The following SPECC1L variants were observed in gnomAD, a reference collection of about 807,000 sequenced individuals.
SPECC1L encodes the protein cytospin-A.
SPECC1L carries 40 observed loss-of-function variants against 116.8 expected under a neutral mutation model. The observed-to-expected ratio is 0.34, with a 90% CI of 0.27 to 0.45. SPECC1L has a LOEUF of 0.45. Ranked by LOEUF, SPECC1L falls within the 20% of genes least tolerant of loss-of-function variation. The pLI, the probability that SPECC1L is intolerant of heterozygous loss-of-function variation, is 1.00. For synonymous variants in SPECC1L, 504 were observed against 500.6 expected (o/e 1.01, Z -0.09); for missense variants, 1,110 against 1,373.6 (o/e 0.81, Z 3.03).
intron 3 of SPECC1L, among the ~76,000 whole-genome samples, chr22:24,307,229 A>G (rs914561715): frequency 6.6e-6 from 1 of 152,178 alleles, no homozygotes; most frequent in Non-Finnish European, 1.5e-5. Flanking sequence ...GGAACTGCCT[A>G]TTGTTTCTCG....
chr22:24,321,381 A>C lies in SPECC1L; in HGVS notation c.401A>C (p.Gln134Pro). The change falls in exon 5 of 17, where the codon CAG becomes CCG. Residue 134 changes from glutamine (Q) to proline (P), a missense_variant. Physicochemically the swap from Gln to Pro is moderately conservative, Grantham distance 76 (BLOSUM62 -1). This residue lies in a region of SPECC1L where 437 missense variants were observed against 482.6 expected (regional missense o/e 0.91). Coordinates refer to ENST00000314328, the MANE Select transcript of SPECC1L (RefSeq NM_015330.6). The stretch of plus-strand genomic sequence containing the variant: ...TTACGTGAACGTACCCGATTAAACC[A>C]GAGCAAAAAACTACCTTCTGCAGGT... Reference protein sequence around the residue: ...ERLRERTRLNQSKKLPSAGQG... With the variant: ...ERLRERTRLNPSKKLPSAGQG... 6.2e-7 allele frequency: 1 copy of C among 1,614,280 alleles called. No individual in the cohort carries two copies. Among genetic ancestry groups the C allele is most frequent in the Non-Finnish European group, 8.5e-7 (1 of 1,180,048 alleles).
chr22:24,398,508 G>T (rs1403388868), intron 14 of SPECC1L, among the ~76,000 whole-genome samples: 3 of 152,156 alleles, frequency 2.0e-5, no homozygotes, highest in African/African-American at 7.2e-5. Flanking sequence ...TCAGTATAAA[G>T]AATTTCCAAG....
At chr22:24,327,332 T>A (rs1461319692) in intron 6 of SPECC1L, among the ~76,000 whole-genome samples, 1 of 120,284 alleles carries the variant, frequency 8.3e-6, no homozygotes, top group African/African-American at 3.0e-5. Context: ...CAACATCAAA[T>A]GTAAAGCATA....
intron 14 of SPECC1L, 42 bp from the exon 15 acceptor site, chr22:24,411,546 C>T (rs746860161): frequency 1.9e-6 from 3 of 1,566,932 alleles, no homozygotes; most frequent in Admixed American, 3.3e-5. Context: ...CTAAGAGGGT[C>T]CCAGCATGTG....
In SPECC1L at chr22:24,415,729, G is replaced by A. The variant is rs534881017; in HGVS notation, c.*1106G>A. 1 of 152,386 alleles carries A rather than the reference G, an allele frequency of 6.6e-6. No individual in the cohort carries two copies. Among genetic ancestry groups the A allele is most frequent in the African/African-American group, 2.4e-5 (1 of 41,550 alleles). 9.4% of individuals were successfully genotyped at this position (152,386 alleles called of 1,614,324 possible). A position where few individuals can be genotyped will look rare whatever the true frequency, so the allele number is the denominator to read the frequency against. On this transcript the variant is annotated 3_prime_UTR_variant, in exon 17 of 17. Coordinates refer to ENST00000314328, the MANE Select transcript of SPECC1L (RefSeq NM_015330.6). The stretch of plus-strand genomic sequence containing the variant: ...CAAGGCAGGACCTCCAAGACTCAGT[G>A]GTTGAGTTGTCTCCTACCACCATGC...
Position 24,322,208 on chromosome 22 carries a change from A to G in SPECC1L, c.1228A>G (p.Thr410Ala). 6.2e-7 allele frequency: 1 copy of G among 1,614,194 alleles called. No homozygotes were observed. ...CCAGATGGAAGAGAACCAACACAGT[A>G]CAAGTGAGGAACTCCAGGCAACCCT... is the stretch of plus-strand genomic sequence containing the variant. ...IHQMEENQHS[T>A]SEELQATLQE... Residue 410 changes from threonine (T) to alanine (A), a missense_variant, in exon 5 of 17, where the codon ACA (threonine) becomes GCA (alanine). Thr to Ala is a moderately conservative substitution (Grantham distance 58, BLOSUM62 0). Coordinates refer to ENST00000314328, the MANE Select transcript of SPECC1L (RefSeq NM_015330.6).
At chr22:24,271,995 C>T (rs1267292121) in intron 1 of SPECC1L, among the ~76,000 whole-genome samples, 1 of 152,184 alleles carries the variant, frequency 6.6e-6, no homozygotes, top group African/African-American at 2.4e-5. Context: ...TAGACAACAG[C>T]AGTCATTTCT....
intron 14 of SPECC1L, among the ~76,000 whole-genome samples, chr22:24,390,207 C>T (rs576044767): frequency 8.4e-4 from 127 of 151,950 alleles, no homozygotes; most frequent in Non-Finnish European, 1.2e-3. Flanking sequence ...TTCCCCTGAT[C>T]CTTCCTTTTC....
At chr22:24,393,796 C>A (rs1159929380) in intron 14 of SPECC1L, among the ~76,000 whole-genome samples, 1 of 152,134 alleles carries the variant, frequency 6.6e-6, no homozygotes, top group Admixed American at 6.6e-5. Context: ...CAAACCATCA[C>A]CATGAACATT....
At chr22:24,388,212 C>T (rs2042197352) in intron 14 of SPECC1L, among the ~76,000 whole-genome samples, 1 of 149,356 alleles carries the variant, frequency 6.7e-6, no homozygotes, top group Non-Finnish European at 1.5e-5. Flanking sequence ...AGGTATATCT[C>T]CTAATGCTAT....
chr22:24,323,216 C>T (rs186077317), intron 5 of SPECC1L: 2 of 623,444 alleles, frequency 3.2e-6, no homozygotes, highest in African/African-American at 2.0e-5. Context: ...TCCTATGGAG[C>T]GGGTCATGAA....
chr22:24,318,705 A>AG (rs2040655893), intron 4 of SPECC1L, among the ~76,000 whole-genome samples: 1 of 152,146 alleles, frequency 6.6e-6, no homozygotes, highest in Non-Finnish European at 1.5e-5. Flanking sequence ...AGATCACTTG[A>AG]GCCTAGGAGT....
chr22:24,320,727 T>C (rs1160944592), intron 4 of SPECC1L, among the ~76,000 whole-genome samples: 1 of 152,256 alleles, frequency 6.6e-6, no homozygotes, highest in African/African-American at 2.4e-5. Context: ...TTATTATTTA[T>C]GTGGCATTTT....
intron 14 of SPECC1L, among the ~76,000 whole-genome samples, chr22:24,381,718 AC>A (rs2042065613): frequency 6.6e-6 from 1 of 152,104 alleles, no homozygotes. Context: ...CGCCAGCTCT[AC>A]TAAAAATACA....
chr22:24,414,800 G>A lies in SPECC1L; in HGVS notation c.*177G>A, dbSNP rs1328185063. ...GAAGAACTCAGCCGTGTGGCCCACA[G>A]CTCCCACCAGGGCCCCTCCCACATG... On this transcript the variant is annotated 3_prime_UTR_variant, in exon 17 of 17. Transcript: ENST00000314328. The A allele has an allele frequency of 6.0e-5, 38 of 634,572 alleles. No homozygotes were observed. Among genetic ancestry groups the A allele is most frequent in the African/African-American group, 1.4e-4 (8 of 55,610 alleles). 39.3% of individuals were successfully genotyped at this position (634,572 alleles called of 1,614,324 possible). A position where few individuals can be genotyped will look rare whatever the true frequency, so the allele number is the denominator to read the frequency against.
intron 16 of SPECC1L, 116 bp downstream of exon 16, chr22:24,412,823 G>C: frequency 4.4e-6 from 5 of 1,132,882 alleles, no homozygotes; most frequent in Non-Finnish European, 6.6e-6. Context: ...CTGGTAAAAG[G>C]CAGCTATGGG....
rs144742100 is a variant in SPECC1L at position 24,314,018 on chromosome 22, T to G, written c.307+552T>G. Among the ~76,000 whole-genome samples the G allele has an allele frequency of 8.7e-3, 1,321 of 152,138 alleles. 21 individuals carry two copies. The highest frequency in any genetic ancestry group is 0.03 in the African/African-American group (1,257 of 41,500). On this transcript the variant is annotated intron_variant, in intron 4 of 16. Coordinates refer to ENST00000314328, the MANE Select transcript of SPECC1L (RefSeq NM_015330.6). ...TCCCAAAGTGTTGGGATTACAGGCA[T>G]GAGCCACTACACCTGGCCAAGGAGA... is the stretch of plus-strand genomic sequence containing the variant.
chr22:24,385,084 G>T (rs1490876715), intron 14 of SPECC1L, among the ~76,000 whole-genome samples: 3 of 149,082 alleles, frequency 2.0e-5, no homozygotes, highest in Non-Finnish European at 4.5e-5. Flanking sequence ...AAAGAAAAAA[G>T]AATGTAAACT....
At chr22:24,387,706 C>T (rs1447345838) in intron 14 of SPECC1L, among the ~76,000 whole-genome samples, 2 of 152,126 alleles carry the variant, frequency 1.3e-5, no homozygotes, top group Non-Finnish European at 2.9e-5. Context: ...ATTTATAATA[C>T]TGTATTTGTT....
Sources: allele counts gnomAD v4.1 joint callset (sites outside exome capture counted in the v4.1 genomes callset), GRCh38; gene constraint gnomAD v4.1.1; regional missense constraint gnomAD v4.1.1; transcripts MANE v1.5; gene names NCBI Gene and HGNC (gene_info 2026-07-23, HGNC 2026-07-21).